ABCC12: variants seen among roughly 807,000 people sequenced by gnomAD.
The protein encoded by ABCC12 is ATP binding cassette subfamily C member 12.
Under a neutral mutation model 151.1 loss-of-function variants are expected in ABCC12, and 142 were observed. That is an observed-to-expected ratio of 0.94 (90% confidence interval 0.82 to 1.08). ABCC12 has a LOEUF of 1.08. Among genes scored for constraint, ABCC12 ranks in the 50% least tolerant of loss-of-function variants. The pLI is 0.00. For missense variants in ABCC12, 1,638 were observed against 1,691.1 expected, an observed-to-expected ratio of 0.97 and a Z score of 0.55; for synonymous variants, 645 against 646.4, an observed-to-expected ratio of 1.00 and a Z score of 0.03.
intron 23 of ABCC12, among the ~76,000 whole-genome samples, chr16:48,100,595 C>T (rs1336570719): frequency 6.6e-6 from 1 of 152,104 alleles, no homozygotes; most frequent in Non-Finnish European, 1.5e-5. Context: ...CTTCTTTTCC[C>T]TATCTTCCTG....
At chr16:48,091,925 C>G (rs1463041978) in intron 24 of ABCC12, among the ~76,000 whole-genome samples, 2 of 152,182 alleles carry the variant, frequency 1.3e-5, no homozygotes, top group Admixed American at 1.3e-4. Flanking sequence ...CCTGGATCAC[C>G]TGGGTGGGTC....
intron 22 of ABCC12, 112 bp downstream of exon 22, chr16:48,104,030 A>C: frequency 6.8e-6 from 8 of 1,182,902 alleles, no homozygotes; most frequent in Non-Finnish European, 8.2e-6. Flanking sequence ...TACAAAAAAA[A>C]TCAATGGTAG....
rs1011185258 is a variant in ABCC12 at position 48,124,089 on chromosome 16, G to A, written c.1587+124C>T. On this transcript the variant is annotated intron_variant, in intron 12 of 30. Transcript: ENST00000311303. The stretch of plus-strand genomic sequence containing the variant: ...GTGCATTAACCTCCCAAAAATTATT[G>A]TGAACCACATGCACAGTGTCCAGTG... 1.4e-5 allele frequency: 15 copies of A among 1,063,006 alleles called. No homozygotes were observed. In the South Asian group the frequency reaches 1.5e-4, roughly 11 times the overall value. 65.8% of individuals were successfully genotyped at this position (1,063,006 alleles called of 1,614,324 possible). A position where few individuals can be genotyped will look rare whatever the true frequency, so the allele number is the denominator to read the frequency against.
chr16:48,097,818 G>A (rs74857786), intron 23 of ABCC12, among the ~76,000 whole-genome samples: 2,304 of 152,252 alleles, frequency 0.015, 59 homozygotes, highest in African/African-American at 0.053. Flanking sequence ...AACTCCTACC[G>A]ATGCAGCAAT....
chr16:48,155,970 C>T lies in ABCC12; in HGVS notation c.-449G>A, dbSNP rs867042804. 3 of 152,384 alleles carry T rather than the reference C, an allele frequency of 2.0e-5. No homozygotes were observed. The highest frequency in any genetic ancestry group is 4.8e-5 in the African/African-American group (2 of 41,454). The allele number at this position is 152,384 out of a possible 1,614,324, so 9.4% of individuals were successfully genotyped here. ...CAGATTCAGTTTCTCTTGTCCCACC[C>T]GCCTGAAGTCCTCCTCTCCAACTGC... is the stretch of plus-strand genomic sequence containing the variant. On this transcript the variant is annotated 5_prime_UTR_variant, in exon 1 of 31. Coordinates refer to ENST00000311303, the MANE Select transcript of ABCC12 (RefSeq NM_001393797.1).
chr16:48,085,620 C>A lies in ABCC12; in HGVS notation c.3801G>T (p.Val1267=). The A allele has an allele frequency of 1.2e-6, 2 of 1,614,156 alleles. No individual in the cohort carries two copies. The highest frequency in any genetic ancestry group is 3.3e-5 in the Admixed American group (2 of 60,018). Reference sequence around the variant, plus strand: ...TTGAATTACGGAGAAGAGCTCGGGCCACACAAAGCAGCTGACGTTCCCCTA... The same window carrying A: ...TTGAATTACGGAGAAGAGCTCGGGCAACACAAAGCAGCTGACGTTCCCCTA... The part of the protein sequence containing the change: ...FSVGERQLLC[V]ARALLRNSKI... The change falls in exon 29 of 31, where the codon GTG becomes GTT. Residue 1267 remains valine, a synonymous_variant. Coordinates refer to ENST00000311303, the MANE Select transcript of ABCC12 (RefSeq NM_001393797.1).
chr16:48,086,358 C>CA (rs1360566886), intron 28 of ABCC12: 1 of 198,400 alleles, frequency 5.0e-6, no homozygotes. Context: ...GGCAGAGTAG[C>CA]AGGGCCTTCC....
chr16:48,138,402 T>G (rs1208981653), intron 7 of ABCC12, 27 bp from the exon 8 acceptor site: 5 of 1,592,282 alleles, frequency 3.1e-6, no homozygotes, highest in Non-Finnish European at 4.3e-6. Flanking sequence ...AACACTGTTT[T>G]CAGAGAGAAG....
At chr16:48,130,134 G>T (rs898891877) in intron 10 of ABCC12, among the ~76,000 whole-genome samples, 1 of 152,132 alleles carries the variant, frequency 6.6e-6, no homozygotes, top group Admixed American at 6.6e-5. Flanking sequence ...ACAAGCTTTC[G>T]TGTTGACACA....
At chr16:48,092,202 G>C (rs1209040616) in intron 24 of ABCC12, among the ~76,000 whole-genome samples, 1 of 152,232 alleles carries the variant, frequency 6.6e-6, no homozygotes, top group African/African-American at 2.4e-5. Context: ...CTGCAAGCAT[G>C]TAATTTGTCA....
At chr16:48,131,061 C>A (rs1964410279) in intron 9 of ABCC12, among the ~76,000 whole-genome samples, 166 bp from the exon 10 acceptor site, 1 of 152,214 alleles carries the variant, frequency 6.6e-6, no homozygotes, top group South Asian at 2.1e-4. Context: ...ATCGGTTGGC[C>A]AGCTGGGGAC....
At chr16:48,106,243 G>A (rs1037090603) in intron 20 of ABCC12, among the ~76,000 whole-genome samples, 3 of 152,316 alleles carry the variant, frequency 2.0e-5, no homozygotes, top group East Asian at 3.9e-4. Context: ...CCAGCCTGAA[G>A]AGGAGACACT....
chr16:48,085,535 G>C lies in ABCC12; in HGVS notation c.3828+58C>G, dbSNP rs1962551861. 4.1e-6 allele frequency: 6 copies of C among 1,460,528 alleles called. No homozygotes were observed. The Admixed American group carries it at 1.0e-4, about 24-fold the overall frequency. The allele number at this position is 1,460,528 out of a possible 1,614,324, so 90.5% of individuals were successfully genotyped here. On this transcript the variant is annotated intron_variant, in intron 29 of 30. Transcript: ENST00000311303. Reference sequence around the variant, plus strand: ...TACACGTGGCTCTGCCTCCTGGATTGAGTGGCGCTGCGGGAAATATCCAAA... The same window carrying C: ...TACACGTGGCTCTGCCTCCTGGATTCAGTGGCGCTGCGGGAAATATCCAAA...
At chr16:48,150,370 C>T (rs980632802) in intron 2 of ABCC12, among the ~76,000 whole-genome samples, 14 of 152,010 alleles carry the variant, frequency 9.2e-5, no homozygotes, top group Admixed American at 9.2e-4. Context: ...AATGGATGAA[C>T]AAATTGTATA....
chr16:48,098,090 G>GAC (rs66949388), intron 23 of ABCC12, among the ~76,000 whole-genome samples: 18,407 of 121,830 alleles, frequency 0.15, 1,282 homozygotes, highest in South Asian at 0.18. Context: ...TGCCCCACCT[G>GAC]ACACACACAC....
intron 6 of ABCC12, 51 bp downstream of exon 6, chr16:48,140,636 A>C: frequency 6.4e-7 from 1 of 1,566,198 alleles, no homozygotes; most frequent in East Asian, 2.2e-5. Flanking sequence ...ACATGCACTC[A>C]AACCACTCAG....
chr16:48,081,997 G>A lies in ABCC12; in HGVS notation c.*1718C>T, dbSNP rs1032162188. Among the ~76,000 whole-genome samples, 3 of 152,164 alleles carry A rather than the reference G, an allele frequency of 2.0e-5. No individual in the cohort carries two copies. Among genetic ancestry groups the A allele is most frequent in the African/African-American group, 7.2e-5 (3 of 41,434 alleles). On this transcript the variant is annotated 3_prime_UTR_variant, in exon 31 of 31. Transcript: ENST00000311303. ...GTTATCTTATGTCCATAAAGGTGAT[G>A]CCCACACTCAGCTGGGAGCAGCTGC...
intron 8 of ABCC12, among the ~76,000 whole-genome samples, chr16:48,134,478 A>G (rs1429883844): frequency 6.6e-6 from 1 of 152,254 alleles, no homozygotes; most frequent in East Asian, 1.9e-4. Flanking sequence ...TTATATCTTA[A>G]CATATGTCCT....
chr16:48,118,295 T>C (rs938500651), intron 13 of ABCC12, among the ~76,000 whole-genome samples: 2 of 152,144 alleles, frequency 1.3e-5, no homozygotes. Flanking sequence ...CTCGGTTTTC[T>C]CTGCAACTCA....
Sources: gnomAD v4.1 joint callset for allele counts (sites outside exome capture counted in the v4.1 genomes callset) on GRCh38, gnomAD v4.1.1 for gene constraint, MANE v1.5 for transcripts, NCBI Gene and HGNC (gene_info 2026-07-23, HGNC 2026-07-21) for gene names.